The following ITGAV variants were observed in gnomAD, a reference collection of about 807,000 sequenced individuals.
ITGAV encodes integrin alpha-V.
Under a neutral mutation model 143.8 loss-of-function variants are expected in ITGAV, and 76 were observed. The ratio of observed to expected loss-of-function variants is 0.53; its 90% CI spans 0.44 to 0.64. The LOEUF (loss-of-function observed/expected upper bound fraction) is 0.64, where lower values mean the gene tolerates loss of function less well. Among genes scored for constraint, ITGAV ranks in the 30% least tolerant of loss-of-function variants. The probability of loss-of-function intolerance (pLI) is 0.00; values close to 1 mark genes in which losing one functional copy is unlikely to be tolerated. For synonymous variants in ITGAV, 453 were observed against 446.7 expected (o/e 1.01, Z -0.18); for missense variants, 1,193 against 1,274.7 (o/e 0.94, Z 0.98).
chr2:186,613,141 G>T (rs2105671723), intron 2 of ITGAV, among the ~76,000 whole-genome samples: 1 of 148,416 alleles, frequency 6.7e-6, no homozygotes, highest in African/African-American at 2.5e-5. Flanking sequence ...ACTTAACATG[G>T]GATTGGCTTT....
At chr2:186,599,604 C>T (rs1466924075) in intron 1 of ITGAV, among the ~76,000 whole-genome samples, 1 of 152,194 alleles carries the variant, frequency 6.6e-6, no homozygotes, top group East Asian at 1.9e-4. Flanking sequence ...AAGCCATCCT[C>T]CTGTCTCAGG....
chr2:186,598,365 A>G (rs1448048470), intron 1 of ITGAV, among the ~76,000 whole-genome samples: 2 of 151,612 alleles, frequency 1.3e-5, no homozygotes, highest in South Asian at 2.1e-4. Flanking sequence ...GCTCTAGAAA[A>G]AGAACCGATG....
At chr2:186,619,880 T>C (rs1687475195) in intron 2 of ITGAV, among the ~76,000 whole-genome samples, 1 of 151,832 alleles carries the variant, frequency 6.6e-6, no homozygotes, top group African/African-American at 2.4e-5. Context: ...TAATCCCAGC[T>C]ACTTGGGAGG....
chr2:186,656,706 A>G (rs1176396083), intron 17 of ITGAV, among the ~76,000 whole-genome samples: 2 of 152,166 alleles, frequency 1.3e-5, no homozygotes, highest in African/African-American at 4.8e-5. Context: ...AAAAATGAGC[A>G]ATCAACTAAA....
chr2:186,675,805 G>A lies in ITGAV; in HGVS notation c.2821-15G>A. The A allele has an allele frequency of 6.4e-7, 1 of 1,565,678 alleles. No homozygotes were observed. Among genetic ancestry groups the A allele is most frequent in the African/African-American group, 1.4e-5 (1 of 73,804 alleles). On this transcript the variant is annotated splice_polypyrimidine_tract_variant and intron_variant, in intron 27 of 29. Coordinates refer to ENST00000261023, the MANE Select transcript of ITGAV (RefSeq NM_002210.5). ...CTGATATCTGGGAAATCATCTAATTGTTATTTCCAAACAGAAAGAAAATCA... is the reference window on the plus strand; with the variant it reads ...CTGATATCTGGGAAATCATCTAATTATTATTTCCAAACAGAAAGAAAATCA...
intron 19 of ITGAV, 143 bp downstream of exon 19, chr2:186,663,978 T>A: frequency 1.6e-6 from 1 of 606,928 alleles, no homozygotes; most frequent in Non-Finnish European, 2.9e-6. Context: ...AAACTATCAA[T>A]ATTGAGCTTC....
Position 186,667,146 on chromosome 2 carries a change from T to C in ITGAV, c.2247-4T>C, listed in dbSNP as rs1559067481. 6.3e-7 allele frequency: 1 copy of C among 1,599,786 alleles called. No individual in the cohort carries two copies. The highest frequency in any genetic ancestry group is 8.5e-7 in the Non-Finnish European group (1 of 1,174,262). ...ATTTTTAAGTTTTTTTTTTTCTTTT[T>C]CAGCTCAAATCTATTTGACAAAGTA... On this transcript the variant is annotated splice_region_variant and splice_polypyrimidine_tract_variant and intron_variant, in intron 22 of 29. Transcript: ENST00000261023.
rs1223240697 is a variant in ITGAV, at chr2:186,665,235, A to G, written c.2166+17A>G. 4.6e-6 allele frequency: 7 copies of G among 1,520,716 alleles called. No individual in the cohort carries two copies. The African/African-American group carries it at 8.2e-5, about 18-fold the overall frequency. The allele number at this position is 1,520,716 out of a possible 1,614,324, so 94.2% of individuals were successfully genotyped here. On this transcript the variant is annotated intron_variant, in intron 21 of 29. Coordinates refer to ENST00000261023, the MANE Select transcript of ITGAV (RefSeq NM_002210.5). ...GGAACTCAAGTAAGACAATTTAATT[A>G]AACGGATTTTTCTCCCTGGCAAATA...
At chr2:186,608,901 C>T (rs1156448693) in intron 2 of ITGAV, among the ~76,000 whole-genome samples, 1 of 152,184 alleles carries the variant, frequency 6.6e-6, no homozygotes, top group Non-Finnish European at 1.5e-5. Flanking sequence ...AACAAAAGAA[C>T]AACCAGTGGA....
intron 2 of ITGAV, among the ~76,000 whole-genome samples, chr2:186,615,299 C>T (rs1404744785): frequency 6.6e-6 from 1 of 151,838 alleles, no homozygotes; most frequent in African/African-American, 2.4e-5. Flanking sequence ...CATATGTTTT[C>T]CTTTCTCTTG....
rs1350464848 is a variant in ITGAV at position 186,680,323 on chromosome 2, TC to T, written c.*3033del. 5 of 152,564 alleles carry T rather than the reference TC, an allele frequency of 3.3e-5. No homozygotes were observed. The highest frequency in any genetic ancestry group is 2.9e-5 in the Non-Finnish European group (2 of 67,996). 9.5% of individuals were successfully genotyped at this position (152,564 alleles called of 1,614,324 possible). ...TAATACTCAGTGTTTTGGAGAGTAT[TC>T]CTTTTAGTTTGTTGGTTGGCTGGTT... On this transcript the variant is annotated 3_prime_UTR_variant, in exon 30 of 30. Transcript: ENST00000261023.
In ITGAV at chr2:186,590,492, G is replaced by C; in HGVS notation, c.154G>C (p.Ala52Pro). The C allele has an allele frequency of 6.2e-7, 1 of 1,610,696 alleles. No individual in the cohort carries two copies. The highest frequency in any genetic ancestry group is 8.5e-7 in the Non-Finnish European group (1 of 1,178,810). ...CCCCGAGGGAAGTTACTTCGGCTTCGCCGTGGATTTCTTCGTGCCCAGCGC... is the reference window on the plus strand; with the variant it reads ...CCCCGAGGGAAGTTACTTCGGCTTCCCCGTGGATTTCTTCGTGCCCAGCGC... ...SGPEGSYFGF[A>P]VDFFVPSASS... Residue 52 changes from alanine (A) to proline (P), a missense_variant, in exon 1 of 30, where the codon GCC becomes CCC. By Grantham distance (27) the Ala-to-Pro change is conservative (BLOSUM62 -1). Transcript: ENST00000261023.
chr2:186,658,847 A>G (rs1033927581), intron 17 of ITGAV, among the ~76,000 whole-genome samples, 191 bp from the exon 18 acceptor site: 2 of 152,148 alleles, frequency 1.3e-5, no homozygotes, highest in Non-Finnish European at 2.9e-5. Context: ...AAAATTGACT[A>G]AAGGCTCTTA....
intron 1 of ITGAV, among the ~76,000 whole-genome samples, chr2:186,592,411 C>T (rs1686638440): frequency 6.6e-6 from 1 of 151,992 alleles, no homozygotes; most frequent in African/African-American, 2.4e-5. Context: ...GTGGCCTGGG[C>T]GATAGAGAGA....
chr2:186,644,363 G>A (rs1214198646), intron 12 of ITGAV, among the ~76,000 whole-genome samples: 6 of 149,924 alleles, frequency 4.0e-5, no homozygotes, highest in Admixed American at 4.0e-4. Context: ...GTCTCATTCT[G>A]TCGCCAGGCT....
At position 186,637,194 on chromosome 2, in the gene ITGAV, TTGAG is replaced by T. The variant is rs1687968351; in HGVS notation, c.802+88_802+91del. The T allele has an allele frequency of 6.0e-6, 7 of 1,163,736 alleles. No homozygotes were observed. The South Asian group carries it at 8.6e-5, about 14-fold the overall frequency. The allele number at this position is 1,163,736 out of a possible 1,614,324, so 72.1% of individuals were successfully genotyped here. ...TGTGGCATTGAAAATTTTAAGCAGT[TTGAG>T]TGGCTGGGTGCTGTGGCTGCAGCCT... is the stretch of plus-strand genomic sequence containing the variant. On this transcript the variant is annotated intron_variant, in intron 8 of 29. Transcript: ENST00000261023.
chr2:186,656,184 T>C, intron 16 of ITGAV, 63 bp from the exon 17 acceptor site: 2 of 1,249,012 alleles, frequency 1.6e-6, no homozygotes, highest in Non-Finnish European at 2.2e-6. Context: ...ATGAAAACTC[T>C]AGAGTAGGAT....
rs1233864057 is a variant in ITGAV, at chr2:186,664,543, G to C, written c.1975G>C (p.Val659Leu). The C allele has an allele frequency of 1.9e-6, 3 of 1,613,830 alleles. 1 individual carries two copies. The highest frequency in any genetic ancestry group is 1.3e-5 in the African/African-American group (1 of 74,908). The change falls in exon 20 of 30, where the codon GTT (valine) becomes CTT (leucine). Residue 659 changes from valine (V) to leucine (L), a missense_variant. Coordinates refer to ENST00000261023, the MANE Select transcript of ITGAV (RefSeq NM_002210.5). ...IGDDNPLTLI[V>L]KAQNQGEGAY... ...GGATGACAACCCTCTGACATTGATT[G>C]TTAAGGCTCAGAATCAAGGAGAAGG...
At position 186,606,790 on chromosome 2, in the gene ITGAV, A is replaced by C. The variant is rs574603799; in HGVS notation, c.316+4639A>C. 3.7e-4 allele frequency among the ~76,000 whole-genome samples: 57 copies of C among 152,188 alleles called. No homozygotes were observed. In the Middle Eastern group the frequency reaches 0.017, roughly 45 times the overall value. Reference sequence around the variant, plus strand: ...ACTTGTCATGCTTCAATCCAATAGAATCACTGTTGGGTTGTGGCACCGACC... The same window carrying C: ...ACTTGTCATGCTTCAATCCAATAGACTCACTGTTGGGTTGTGGCACCGACC... On this transcript the variant is annotated intron_variant, in intron 2 of 29. Transcript: ENST00000261023.
Sources: gnomAD v4.1 joint callset for allele counts (sites outside exome capture counted in the v4.1 genomes callset) on GRCh38, gnomAD v4.1.1 for gene constraint, MANE v1.5 for transcripts, NCBI Gene and HGNC (gene_info 2026-07-23, HGNC 2026-07-21) for gene names.